Variants in ENPP4 observed in about 807,000 individuals in gnomAD.
The protein encoded by ENPP4 is bis(5'-adenosyl)-triphosphatase ENPP4.
ENPP4 carries 18 observed loss-of-function variants against 33.4 expected under a neutral mutation model. The ratio of observed to expected loss-of-function variants is 0.54; its 90% CI spans 0.37 to 0.80. The LOEUF is 0.80. ENPP4 is among the 30% of genes least tolerant of loss of function. The pLI, the probability that ENPP4 is intolerant of heterozygous loss-of-function variation, is 0.00. For synonymous variants in ENPP4, 172 were observed against 189.9 expected, an observed-to-expected ratio of 0.91 and a Z score of 0.78; for missense variants, 480 against 541.7, an observed-to-expected ratio of 0.89 and a Z score of 1.13.
At position 46,143,363 on chromosome 6, in the gene ENPP4, A is replaced by G. The variant is rs1335936884; in HGVS notation, c.1085A>G (p.His362Arg). 2.5e-6 allele frequency: 4 copies of G among 1,612,626 alleles called. No individual in the cohort carries two copies. The highest frequency in any genetic ancestry group is 2.2e-5 in the East Asian group (1 of 44,858). The change falls in exon 4 of 4, where the codon CAT becomes CGT. Residue 362 changes from histidine (H) to arginine (R), a missense_variant. His to Arg is a conservative substitution (Grantham distance 29). This residue lies in a region of ENPP4 where 249 missense variants were observed against 251.8 expected (regional missense o/e 0.99). Coordinates refer to ENST00000321037, the MANE Select transcript of ENPP4 (RefSeq NM_014936.5). ...HGPAFHKGYK[H>R]STINIVDIYP... ...CCTGCATTTCACAAAGGCTACAAGC[A>G]TAGCACAATTAACATTGTGGATATT...
Position 46,139,575 on chromosome 6 carries a change from G to T in ENPP4, c.-9G>T, listed in dbSNP as rs11752816. 7.4e-7 allele frequency: 1 copy of T among 1,347,254 alleles called. No homozygotes were observed. Among genetic ancestry groups the T allele is most frequent in the East Asian group, 2.3e-5 (1 of 43,586 alleles). 83.5% of individuals were successfully genotyped at this position (1,347,254 alleles called of 1,614,324 possible). On this transcript the variant is annotated 5_prime_UTR_variant, in exon 2 of 4. Coordinates refer to ENST00000321037, the MANE Select transcript of ENPP4 (RefSeq NM_014936.5). ...GGAACCCTGATTGCTGTCCTTCAAC[G>T]TGTTCATTATGAAGTTATTAGTAAT...
At position 46,144,006 on chromosome 6, in the gene ENPP4, C is replaced by T; in HGVS notation, c.*366C>T. The T allele has an allele frequency of 6.3e-6, 1 of 159,050 alleles. No individual in the cohort carries two copies. Among genetic ancestry groups the T allele is most frequent in the East Asian group, 1.8e-4 (1 of 5,424 alleles). The allele number at this position is 159,050 out of a possible 1,614,324, so 9.9% of individuals were successfully genotyped here. On this transcript the variant is annotated 3_prime_UTR_variant, in exon 4 of 4. Coordinates refer to ENST00000321037, the MANE Select transcript of ENPP4 (RefSeq NM_014936.5). ...TGAAAATATACCAAAATTTAGTAGG[C>T]ATGTTTTTCTAATAAATTTATATAT... is the stretch of plus-strand genomic sequence containing the variant.
intron 2 of ENPP4, among the ~76,000 whole-genome samples, chr6:46,140,807 G>A (rs895804735): frequency 6.6e-6 from 1 of 151,566 alleles, no homozygotes; most frequent in Non-Finnish European, 1.5e-5. Flanking sequence ...CCTGAAAAAT[G>A]TCCCCTATCT....
intron 1 of ENPP4, among the ~76,000 whole-genome samples, chr6:46,139,164 A>G (rs1437492466): frequency 6.6e-6 from 1 of 151,832 alleles, no homozygotes; most frequent in Non-Finnish European, 1.5e-5. Context: ...AAAAATAATC[A>G]TCATCTCTGG....
chr6:46,140,350 A>G lies in ENPP4; in HGVS notation c.767A>G (p.Asp256Gly). The G allele has an allele frequency of 3.1e-6, 5 of 1,609,906 alleles. No individual in the cohort carries two copies. Among genetic ancestry groups the G allele is most frequent in the South Asian group, 1.1e-5 (1 of 90,522 alleles). Reference protein sequence around the residue: ...DRLINLDSCIDHSYYTLIDLS... With the variant: ...DRLINLDSCIGHSYYTLIDLS... ...CTGATAAACCTGGATTCCTGCATCG[A>G]TCATTCATACTACACTCTTATAGAT... Residue 256 changes from aspartate to glycine, a missense_variant, in exon 2 of 4, where the codon GAT becomes GGT. Coordinates refer to ENST00000321037, the MANE Select transcript of ENPP4 (RefSeq NM_014936.5).
At position 46,143,482 on chromosome 6, in the gene ENPP4, A is replaced by G. The variant is rs1764098474; in HGVS notation, c.1204A>G (p.Ile402Val). The G allele has an allele frequency of 3.7e-6, 6 of 1,612,770 alleles. No individual in the cohort carries two copies. Among genetic ancestry groups the G allele is most frequent in the Non-Finnish European group, 5.1e-6 (6 of 1,179,124 alleles). The change falls in exon 4 of 4, where the codon ATT becomes GTT. Residue 402 changes from isoleucine (I) to valine (V), a missense_variant. Coordinates refer to ENST00000321037, the MANE Select transcript of ENPP4 (RefSeq NM_014936.5). ...GTGCTTGTTAGTTGACCAGTGGTGC[A>G]TTAATCTCCCAGAAGCCATCGCGAT... is the stretch of plus-strand genomic sequence containing the variant. ...TKCLLVDQWC[I>V]NLPEAIAIVI...
At chr6:46,143,164 T>C (rs766296084) in intron 3 of ENPP4, 112 bp from the exon 4 acceptor site, 2 of 1,081,994 alleles carry the variant, frequency 1.8e-6, no homozygotes, top group Non-Finnish European at 2.6e-6. Context: ...GAAATAGAAA[T>C]TTTTATTTCT....
rs1221922546 is a variant in ENPP4 at position 46,143,664 on chromosome 6, T to C, written c.*24T>C. The C allele has an allele frequency of 6.4e-7, 1 of 1,562,496 alleles. No individual in the cohort carries two copies. The highest frequency in any genetic ancestry group is 1.2e-5 in the South Asian group (1 of 82,972). ...GACATGTGCTAGGGCTTATACAAAG[T>C]GTCTTTGATTAATCACAAAACTAAG... On this transcript the variant is annotated 3_prime_UTR_variant, in exon 4 of 4. Transcript: ENST00000321037.
rs781246309 is a variant in ENPP4, at chr6:46,139,574, C to T, written c.-10C>T. 43 of 1,336,584 alleles carry T rather than the reference C, an allele frequency of 3.2e-5. No individual in the cohort carries two copies. Among genetic ancestry groups the T allele is most frequent in the Admixed American group, 2.0e-4 (12 of 58,746 alleles). 82.8% of individuals were successfully genotyped at this position (1,336,584 alleles called of 1,614,324 possible). A position where few individuals can be genotyped will look rare whatever the true frequency, so the allele number is the denominator to read the frequency against. ...AGGAACCCTGATTGCTGTCCTTCAA[C>T]GTGTTCATTATGAAGTTATTAGTAA... On this transcript the variant is annotated 5_prime_UTR_variant, in exon 2 of 4. In the 5' UTR this introduces an upstream ATG that the reference lacks. Coordinates refer to ENST00000321037, the MANE Select transcript of ENPP4 (RefSeq NM_014936.5).
At chr6:46,132,164 T>G (rs1763910833) in intron 1 of ENPP4, among the ~76,000 whole-genome samples, 3 of 152,276 alleles carry the variant, frequency 2.0e-5, no homozygotes, top group South Asian at 4.1e-4. Context: ...TTTAATTAGA[T>G]CCCATTTGTC....
chr6:46,133,171 T>C (rs996176771), intron 1 of ENPP4, among the ~76,000 whole-genome samples: 3 of 152,160 alleles, frequency 2.0e-5, no homozygotes, highest in African/African-American at 7.2e-5. Flanking sequence ...TATTTTACTA[T>C]GTAGAAAGTA....
At position 46,140,247 on chromosome 6, in the gene ENPP4, A is replaced by C; in HGVS notation, c.664A>C (p.Lys222Gln). 6.2e-7 allele frequency: 1 copy of C among 1,612,652 alleles called. No homozygotes were observed. The highest frequency in any genetic ancestry group is 1.7e-5 in the Admixed American group (1 of 59,836). ...DLIGDLVQRL[K>Q]MLGLWENLNV... ...TATCGGTGACTTAGTCCAAAGACTCAAGATGTTAGGGCTATGGGAAAATCT... is the reference window on the plus strand; with the variant it reads ...TATCGGTGACTTAGTCCAAAGACTCCAGATGTTAGGGCTATGGGAAAATCT... Residue 222 changes from lysine to glutamine, a missense_variant, in exon 2 of 4, where the codon AAG (lysine) becomes CAG (glutamine). Lys to Gln is a moderately conservative substitution (Grantham distance 53, BLOSUM62 1). This residue lies in a region of ENPP4 where 227 missense variants were observed against 273.7 expected (regional missense o/e 0.83). Coordinates refer to ENST00000321037, the MANE Select transcript of ENPP4 (RefSeq NM_014936.5).
rs369407313 is a variant in ENPP4, at chr6:46,130,990, G to T, written c.-34+801G>T. ...TCAACTGCTGGTTTCAGTATTATGAGCTTCTATTTCTTCTTTTTTCCCCTC... is the reference window on the plus strand; with the variant it reads ...TCAACTGCTGGTTTCAGTATTATGATCTTCTATTTCTTCTTTTTTCCCCTC... On this transcript the variant is annotated intron_variant, in intron 1 of 3. Coordinates refer to ENST00000321037, the MANE Select transcript of ENPP4 (RefSeq NM_014936.5). Among the ~76,000 whole-genome samples, 47 of 152,284 alleles carry T rather than the reference G, an allele frequency of 3.1e-4. No homozygotes were observed. The South Asian group carries it at 8.9e-3, about 29-fold the overall frequency.
rs1176265894 is a variant in ENPP4, at chr6:46,143,817, G to T, written c.*177G>T. The stretch of plus-strand genomic sequence containing the variant: ...TTTGTTTCGGTGCATTTGCTAATAA[G>T]ATAACGCTGACCATAGTAAAATTGT... On this transcript the variant is annotated 3_prime_UTR_variant, in exon 4 of 4. Coordinates refer to ENST00000321037, the MANE Select transcript of ENPP4 (RefSeq NM_014936.5). The T allele has an allele frequency of 1.8e-5, 11 of 603,322 alleles. No individual in the cohort carries two copies. Among genetic ancestry groups the T allele is most frequent in the Non-Finnish European group, 3.0e-5 (11 of 361,558 alleles). 37.4% of individuals were successfully genotyped at this position (603,322 alleles called of 1,614,324 possible).
At chr6:46,135,570 T>G (rs940310732) in intron 1 of ENPP4, among the ~76,000 whole-genome samples, 1 of 152,082 alleles carries the variant, frequency 6.6e-6, no homozygotes, top group African/African-American at 2.4e-5. Flanking sequence ...ACAAATCTCT[T>G]CAGATATATG....
In ENPP4 at chr6:46,145,127, T is replaced by G. The variant is rs1372698316; in HGVS notation, c.*1487T>G. The stretch of plus-strand genomic sequence containing the variant: ...GACAATATAAAATAAACTTGGTAAC[T>G]GTTTTACAAATATAAAAGTATAATA... On this transcript the variant is annotated 3_prime_UTR_variant, in exon 4 of 4. Transcript: ENST00000321037. The G allele has an allele frequency of 2.6e-6, 1 of 386,112 alleles. No individual in the cohort carries two copies. Among genetic ancestry groups the G allele is most frequent in the Non-Finnish European group, 4.6e-6 (1 of 217,924 alleles). The allele number at this position is 386,112 out of a possible 1,614,324, so 23.9% of individuals were successfully genotyped here. A position where few individuals can be genotyped will look rare whatever the true frequency, so the allele number is the denominator to read the frequency against.
intron 3 of ENPP4, among the ~76,000 whole-genome samples, chr6:46,142,419 T>C (rs981623955): frequency 5.7e-5 from 1 of 17,474 alleles, no homozygotes; most frequent in Non-Finnish European, 2.7e-4. Flanking sequence ...AATTATAATA[T>C]ATATTTTCTA....
Position 46,140,392 on chromosome 6 carries a change from C to T in ENPP4, c.809C>T (p.Ala270Val). The stretch of plus-strand genomic sequence containing the variant: ...CTTATAGATTTGAGCCCAGTTGCTG[C>T]AATACTTCCCAAAATAAGTAAGTAA... ...YTLIDLSPVA[A>V]ILPKINRTEV... Residue 270 changes from alanine (A) to valine (V), a missense_variant, in exon 2 of 4, where the codon GCA becomes GTA. Ala to Val is a moderately conservative substitution (Grantham distance 64). Coordinates refer to ENST00000321037, the MANE Select transcript of ENPP4 (RefSeq NM_014936.5). The T allele has an allele frequency of 6.4e-7, 1 of 1,563,384 alleles. No individual in the cohort carries two copies. Among genetic ancestry groups the T allele is most frequent in the Non-Finnish European group, 8.6e-7 (1 of 1,157,862 alleles).
Position 46,143,820 on chromosome 6 carries a change from AAC to A in ENPP4, c.*181_*182del, listed in dbSNP as rs36124081. 0.34 allele frequency: 197,644 copies of A among 582,400 alleles called. 34,756 individuals are homozygous for A. Among genetic ancestry groups the A allele is most frequent in the Middle Eastern group, 0.42 (898 of 2,118 alleles). 36.1% of individuals were successfully genotyped at this position (582,400 alleles called of 1,614,324 possible). A position where few individuals can be genotyped will look rare whatever the true frequency, so the allele number is the denominator to read the frequency against. ...GTTTCGGTGCATTTGCTAATAAGATAACGCTGACCATAGTAAAATTGTTAGTA... is the reference window on the plus strand; with the variant it reads ...GTTTCGGTGCATTTGCTAATAAGATAGCTGACCATAGTAAAATTGTTAGTA... On this transcript the variant is annotated 3_prime_UTR_variant, in exon 4 of 4. Transcript: ENST00000321037.
Sources: gnomAD v4.1 joint callset for allele counts (sites outside exome capture counted in the v4.1 genomes callset) on GRCh38, gnomAD v4.1.1 for gene constraint, gnomAD v4.1.1 regional missense constraint, MANE v1.5 for transcripts, NCBI Gene and HGNC (gene_info 2026-07-23, HGNC 2026-07-21) for gene names.